Variants in MIPEP observed in about 807,000 individuals in gnomAD.
MIPEP encodes mitochondrial intermediate peptidase.
In MIPEP, 79 loss-of-function variants were observed where a neutral mutation model predicts 90.3. The ratio of observed to expected loss-of-function variants is 0.87; its 90% CI spans 0.73 to 1.05. MIPEP has a LOEUF of 1.05. Ranked by LOEUF, MIPEP falls within the 50% of genes least tolerant of loss-of-function variation. The pLI is 0.00. For synonymous variants in MIPEP, 334 were observed against 315.8 expected (o/e 1.06, Z -0.61); for missense variants, 940 against 905.6 (o/e 1.04, Z -0.49).
intron 14 of MIPEP, among the ~76,000 whole-genome samples, chr13:23,835,796 C>A (rs74041411): frequency 0.022 from 3,287 of 152,256 alleles, 131 homozygotes; most frequent in African/African-American, 0.075. Context: ...CACAGAGATG[C>A]TAAGCATACT....
chr13:23,806,036 C>T lies in MIPEP; in HGVS notation c.1762G>A (p.Gly588Arg). ...FYATLDQIYH[G>R]KHPLRNSTTD... Reference sequence around the variant, plus strand: ...GTTGAATTCCTCAGGGGATGCTTCCCATGGTAGATTTGATCCAGAGTGGCA... The same window carrying T: ...GTTGAATTCCTCAGGGGATGCTTCCTATGGTAGATTTGATCCAGAGTGGCA... Residue 588 changes from glycine (G) to arginine (R), a missense_variant, in exon 16 of 19, where the codon GGG becomes AGG. Coordinates refer to ENST00000382172, the MANE Select transcript of MIPEP (RefSeq NM_005932.4). 2 of 1,613,518 alleles carry T rather than the reference C, an allele frequency of 1.2e-6. No individual in the cohort carries two copies. Among genetic ancestry groups the T allele is most frequent in the Non-Finnish European group, 1.7e-6 (2 of 1,179,536 alleles).
intron 1 of MIPEP, among the ~76,000 whole-genome samples, chr13:23,886,751 A>T (rs1871499776): frequency 6.6e-6 from 1 of 151,966 alleles, no homozygotes; most frequent in African/African-American, 2.4e-5. Flanking sequence ...CAACAACAAC[A>T]ATGGTATGGG....
chr13:23,767,286 TTG>T lies in MIPEP; in HGVS notation c.1849-7071_1849-7070del, dbSNP rs141133316. ...TAGGCACTGTTTTAAGCCACTACAT[TTG>T]TAGAAATTTTTATACAGCAATTGAA... On this transcript the variant is annotated intron_variant, in intron 16 of 18. Coordinates refer to ENST00000382172, the MANE Select transcript of MIPEP (RefSeq NM_005932.4). 5.1e-4 allele frequency among the ~76,000 whole-genome samples: 78 copies of T among 152,304 alleles called. 1 individual carries two copies. The East Asian group carries it at 0.013, about 26-fold the overall frequency.
intron 10 of MIPEP, among the ~76,000 whole-genome samples, chr13:23,846,560 C>T (rs1000550821): frequency 2.0e-5 from 3 of 151,882 alleles, no homozygotes; most frequent in African/African-American, 7.3e-5. Flanking sequence ...TGTCTAAACA[C>T]GAAATTTATT....
At chr13:23,739,962 A>G (rs574566565) in intron 18 of MIPEP, among the ~76,000 whole-genome samples, 1 of 152,306 alleles carries the variant, frequency 6.6e-6, no homozygotes, top group African/African-American at 2.4e-5. Context: ...CAAGGTGTCA[A>G]TGGGGTAGGA....
At chr13:23,747,654 G>GT (rs1952398370) in intron 18 of MIPEP, 1 of 416,020 alleles carries the variant, frequency 2.4e-6, no homozygotes, top group African/African-American at 2.1e-5. Context: ...TATTTAGCCT[G>GT]TAAAATATCC....
At chr13:23,791,898 A>T (rs7321079) in intron 16 of MIPEP, among the ~76,000 whole-genome samples, 8 of 152,158 alleles carry the variant, frequency 5.3e-5, no homozygotes, top group Non-Finnish European at 8.8e-5. Flanking sequence ...TTCTTATCCA[A>T]GTCAATAACG....
At position 23,862,357 on chromosome 13, in the gene MIPEP, A is replaced by G; in HGVS notation, c.998T>C (p.Leu333Pro). 1 of 1,573,590 alleles carries G rather than the reference A, an allele frequency of 6.4e-7. No homozygotes were observed. Among genetic ancestry groups the G allele is most frequent in the African/African-American group, 1.3e-5 (1 of 74,354 alleles). Residue 333 changes from leucine (L) to proline (P), a missense_variant, in exon 9 of 19, where the codon CTG becomes CCG. Physicochemically the swap from Leu to Pro is moderately conservative, Grantham distance 98. Transcript: ENST00000382172. ...CCCTCGTATCATCTCAAAATCTTTC[A>G]GAGTTCTATAAAACAGGTTTATCAT... is the stretch of plus-strand genomic sequence containing the variant. ...KLSDKLSERT[L>P]KDFEMIRGMK...
rs1412352115 is a variant in MIPEP, at chr13:23,889,331, G to C, written c.-11C>G. The stretch of plus-strand genomic sequence containing the variant: ...TCCGACGCACAGCATTCTAGCACCA[G>C]AGCAGTCCCTTCCTCCAACGCAGAT... On this transcript the variant is annotated 5_prime_UTR_variant, in exon 1 of 19. Transcript: ENST00000382172. 5.0e-5 allele frequency: 66 copies of C among 1,319,298 alleles called. No homozygotes were observed. The highest frequency in any genetic ancestry group is 3.2e-4 in the African/African-American group (21 of 64,896). The allele number at this position is 1,319,298 out of a possible 1,614,324, so 81.7% of individuals were successfully genotyped here.
intron 4 of MIPEP, among the ~76,000 whole-genome samples, chr13:23,878,848 TA>T (rs1197856510): frequency 6.6e-6 from 1 of 152,200 alleles, no homozygotes; most frequent in Non-Finnish European, 1.5e-5. Flanking sequence ...AGCATAAAGC[TA>T]AGTGTAATTA....
At chr13:23,757,415 G>A (rs1278710838) in intron 17 of MIPEP, among the ~76,000 whole-genome samples, 1 of 152,158 alleles carries the variant, frequency 6.6e-6, no homozygotes, top group African/African-American at 2.4e-5. Context: ...TGGCCTGGGG[G>A]TTGGGGACTC....
At chr13:23,824,965 C>T (rs375499774) in intron 14 of MIPEP, among the ~76,000 whole-genome samples, 16 of 152,146 alleles carry the variant, frequency 1.1e-4, no homozygotes, top group Non-Finnish European at 2.2e-4. Flanking sequence ...AGGGATCCAA[C>T]TTCCATTTTT....
chr13:23,777,691 G>A (rs904049100), intron 16 of MIPEP, among the ~76,000 whole-genome samples: 1 of 152,148 alleles, frequency 6.6e-6, no homozygotes, highest in African/African-American at 2.4e-5. Flanking sequence ...ACTAGTTTGA[G>A]ATTGACTCCA....
At chr13:23,866,881 C>T (rs1012263200) in intron 7 of MIPEP, among the ~76,000 whole-genome samples, 1 of 152,150 alleles carries the variant, frequency 6.6e-6, no homozygotes, top group Non-Finnish European at 1.5e-5. Context: ...TCCGGTCCTC[C>T]CAATCTTAGT....
At chr13:23,888,014 T>C (rs960709911) in intron 1 of MIPEP, 3 of 392,322 alleles carry the variant, frequency 7.6e-6, no homozygotes, top group African/African-American at 4.3e-5. Flanking sequence ...GTGACCATAA[T>C]GCTAAAAAAC....
At chr13:23,859,486 C>G (rs1754853215) in intron 9 of MIPEP, among the ~76,000 whole-genome samples, 1 of 152,180 alleles carries the variant, frequency 6.6e-6, no homozygotes, top group African/African-American at 2.4e-5. Flanking sequence ...AGCTTGAATA[C>G]TTGAATGACT....
chr13:23,813,196 C>T (rs1279536125), intron 14 of MIPEP, among the ~76,000 whole-genome samples: 3 of 152,002 alleles, frequency 2.0e-5, no homozygotes, highest in South Asian at 2.1e-4. Flanking sequence ...AAATAAACAA[C>T]GTTTCAAAAT....
intron 10 of MIPEP, among the ~76,000 whole-genome samples, chr13:23,852,622 AACAC>A (rs1479063524): frequency 6.6e-6 from 1 of 152,226 alleles, no homozygotes; most frequent in Non-Finnish European, 1.5e-5. Flanking sequence ...ATGAAAGCCT[AACAC>A]ACACAATTAG....
intron 18 of MIPEP, among the ~76,000 whole-genome samples, chr13:23,742,662 A>C (rs1253397888): frequency 6.6e-6 from 1 of 152,240 alleles, no homozygotes; most frequent in Non-Finnish European, 1.5e-5. Flanking sequence ...TAAATATCAT[A>C]AAACTATCAT....
Sources: allele counts gnomAD v4.1 joint callset (sites outside exome capture counted in the v4.1 genomes callset), GRCh38; gene constraint gnomAD v4.1.1; transcripts MANE v1.5; gene names NCBI Gene and HGNC (gene_info 2026-07-23, HGNC 2026-07-21).